Variants in TRPM6 observed in about 807,000 individuals in gnomAD.
TRPM6 encodes the protein transient receptor potential cation channel subfamily M member 6.
Under a neutral mutation model 247.6 loss-of-function variants are expected in TRPM6, and 111 were observed. The ratio of observed to expected loss-of-function variants is 0.45; its 90% CI spans 0.38 to 0.52. The LOEUF (loss-of-function observed/expected upper bound fraction) is 0.52. TRPM6 is among the 20% of genes least tolerant of loss of function. The probability of loss-of-function intolerance (pLI) is 0.00; values close to 1 mark genes in which losing one functional copy is unlikely to be tolerated. For missense variants in TRPM6, 2,126 were observed against 2,421.5 expected, an observed-to-expected ratio of 0.88 and a Z score of 2.56; for synonymous variants, 892 against 853.8, an observed-to-expected ratio of 1.04 and a Z score of -0.78.
intron 14 of TRPM6, among the ~76,000 whole-genome samples, chr9:74,806,562 C>T (rs918963629): frequency 1.3e-5 from 2 of 152,164 alleles, no homozygotes; most frequent in Non-Finnish European, 2.9e-5. Flanking sequence ...TTAATAGTGT[C>T]ATTATAGTAA....
chr9:74,728,178 T>C, intron 38 of TRPM6, 61 bp downstream of exon 38: 1 of 1,231,046 alleles, frequency 8.1e-7, no homozygotes, highest in Non-Finnish European at 1.2e-6. Context: ...TATCCCAGGT[T>C]ACAAAGGATG....
At chr9:74,846,439 T>C (rs1830111059) in intron 3 of TRPM6, among the ~76,000 whole-genome samples, 1 of 152,258 alleles carries the variant, frequency 6.6e-6, no homozygotes, top group South Asian at 2.1e-4. Context: ...ACAATTATAT[T>C]GTTTTCTGGT....
intron 27 of TRPM6, among the ~76,000 whole-genome samples, chr9:74,757,120 G>A (rs888485659): frequency 4.0e-5 from 6 of 151,216 alleles, no homozygotes. Flanking sequence ...GGAGGATGCA[G>A]TGAGCCAACA....
In TRPM6 at chr9:74,812,279, A is replaced by G; in HGVS notation, c.1443+20T>C. The G allele has an allele frequency of 6.2e-7, 1 of 1,613,168 alleles. No homozygotes were observed. Among genetic ancestry groups the G allele is most frequent in the South Asian group, 1.1e-5 (1 of 91,078 alleles). On this transcript the variant is annotated intron_variant, in intron 12 of 38. Coordinates refer to ENST00000360774, the MANE Select transcript of TRPM6 (RefSeq NM_017662.5). The stretch of plus-strand genomic sequence containing the variant: ...TCTTGAATCTGGAGGGAAATGATTG[A>G]TGAAATGTTCCATACTCACTGTATT...
intron 11 of TRPM6, 123 bp from the exon 12 acceptor site, chr9:74,812,556 A>T: frequency 6.3e-6 from 6 of 947,220 alleles, no homozygotes; most frequent in Non-Finnish European, 9.5e-6. Flanking sequence ...TCCTGCCATC[A>T]GTGGGTACAG....
intron 28 of TRPM6, among the ~76,000 whole-genome samples, chr9:74,754,631 C>T (rs1261582812): frequency 6.6e-6 from 1 of 152,216 alleles, no homozygotes; most frequent in East Asian, 1.9e-4. Context: ...AATTTCAATA[C>T]AATGTCTACC....
At chr9:74,788,322 T>C (rs1827770236) in intron 20 of TRPM6, among the ~76,000 whole-genome samples, 1 of 152,208 alleles carries the variant, frequency 6.6e-6, no homozygotes, top group Non-Finnish European at 1.5e-5. Flanking sequence ...AATACAATTC[T>C]ATGGCATCAT....
chr9:74,737,574 G>C (rs1318224506), intron 36 of TRPM6: 1 of 518,376 alleles, frequency 1.9e-6, no homozygotes, highest in African/African-American at 2.0e-5. Context: ...AAAGAACAGG[G>C]ATGTCTTAAG....
chr9:74,853,230 G>GT (rs1564051073), intron 3 of TRPM6, among the ~76,000 whole-genome samples: 1 of 150,540 alleles, frequency 6.6e-6, no homozygotes, highest in Non-Finnish European at 1.5e-5. Flanking sequence ...GCCCCATCGG[G>GT]GAAGTGAGGA....
chr9:74,854,250 A>C (rs1830454251), intron 3 of TRPM6, among the ~76,000 whole-genome samples: 1 of 152,200 alleles, frequency 6.6e-6, no homozygotes, highest in Non-Finnish European at 1.5e-5. Context: ...ATAAAAGTAG[A>C]TGCTTTTCCA....
At chr9:74,764,174 T>A (rs1826750716) in intron 25 of TRPM6, among the ~76,000 whole-genome samples, 1 of 152,008 alleles carries the variant, frequency 6.6e-6, no homozygotes, top group African/African-American at 2.4e-5. Flanking sequence ...ATGGCTACTA[T>A]TTGTCTGTAC....
In TRPM6 at chr9:74,812,537, A is replaced by T. The variant is rs1828770352; in HGVS notation, c.1309-104T>A. 7 of 1,178,694 alleles carry T rather than the reference A, an allele frequency of 5.9e-6. No homozygotes were observed. In the South Asian group the frequency reaches 9.2e-5, roughly 15 times the overall value. The allele number at this position is 1,178,694 out of a possible 1,614,324, so 73.0% of individuals were successfully genotyped here. ...AAAATTACACAAACACAATAATTTT[A>T]AAATAAAATCCTGCCATCAGTGGGT... On this transcript the variant is annotated intron_variant, in intron 11 of 38. Coordinates refer to ENST00000360774, the MANE Select transcript of TRPM6 (RefSeq NM_017662.5).
At chr9:74,782,090 G>C (rs1827481516) in intron 23 of TRPM6, among the ~76,000 whole-genome samples, 1 of 152,142 alleles carries the variant, frequency 6.6e-6, no homozygotes, top group Non-Finnish European at 1.5e-5. Flanking sequence ...TTTTCTATAA[G>C]GGACTGGAGC....
chr9:74,854,404 A>C (rs1397870074), intron 3 of TRPM6, among the ~76,000 whole-genome samples: 1 of 152,146 alleles, frequency 6.6e-6, no homozygotes, highest in East Asian at 1.9e-4. Context: ...TTTGCTTTGC[A>C]TTTTATTAGG....
chr9:74,727,823 T>C lies in TRPM6; in HGVS notation c.5935+416A>G, dbSNP rs571561347. On this transcript the variant is annotated intron_variant, in intron 38 of 38. Transcript: ENST00000360774. ...TAATTGAGGGTGTCATTTCCCTCCA[T>C]ACCACACCCTCCCAAGTACCCAATG... Among the ~76,000 whole-genome samples, 5 of 152,286 alleles carry C rather than the reference T, an allele frequency of 3.3e-5. No homozygotes were observed. In the East Asian group the frequency reaches 9.6e-4, roughly 29 times the overall value.
intron 6 of TRPM6, among the ~76,000 whole-genome samples, chr9:74,828,941 A>G (rs1482035217): frequency 2.0e-5 from 3 of 152,188 alleles, no homozygotes; most frequent in African/African-American, 4.8e-5. Flanking sequence ...GTGTCTTTTT[A>G]TAGATTTATT....
At chr9:74,789,368 T>C (rs1384072407) in intron 19 of TRPM6, among the ~76,000 whole-genome samples, 1 of 152,186 alleles carries the variant, frequency 6.6e-6, no homozygotes, top group African/African-American at 2.4e-5. Context: ...TTACTGTGTA[T>C]ATATATGTAT....
intron 1 of TRPM6, among the ~76,000 whole-genome samples, chr9:74,882,493 A>T (rs1831392958): frequency 6.6e-6 from 1 of 152,250 alleles, no homozygotes; most frequent in African/African-American, 2.4e-5. Flanking sequence ...CAAACAGCCA[A>T]CATGCATATG....
chr9:74,828,705 T>C (rs1441334076), intron 6 of TRPM6, among the ~76,000 whole-genome samples: 1 of 150,860 alleles, frequency 6.6e-6, no homozygotes, highest in Non-Finnish European at 1.5e-5. Flanking sequence ...CTCAGCTCAC[T>C]GCAACCTTAG....
Sources: allele counts gnomAD v4.1 joint callset (sites outside exome capture counted in the v4.1 genomes callset), GRCh38; gene constraint gnomAD v4.1.1; transcripts MANE v1.5; gene names NCBI Gene and HGNC (gene_info 2026-07-23, HGNC 2026-07-21).